The following PKMYT1 variants were observed in gnomAD, a reference collection of about 807,000 sequenced individuals.
PKMYT1 encodes the protein protein kinase, membrane associated tyrosine/threonine 1.
A neutral mutation model predicts 49.7 loss-of-function variants in PKMYT1; 35 were observed. That is an observed-to-expected ratio of 0.70 (90% confidence interval 0.54 to 0.93). The LOEUF (loss-of-function observed/expected upper bound fraction) is 0.93, where lower values mean the gene tolerates loss of function less well. PKMYT1 is among the 40% of genes least tolerant of loss of function. PKMYT1 has a pLI of 0.00. For synonymous variants in PKMYT1, 331 were observed against 287.6 expected, an observed-to-expected ratio of 1.15 and a Z score of -1.53; for missense variants, 677 against 673.1, an observed-to-expected ratio of 1.01 and a Z score of -0.06.
rs2072241803 is a variant in PKMYT1, at chr16:2,977,893, A to G, written c.11-862T>C. 2.6e-5 allele frequency among the ~76,000 whole-genome samples: 4 copies of G among 152,208 alleles called. No individual in the cohort carries two copies. In the South Asian group the frequency reaches 8.3e-4, roughly 31 times the overall value. On this transcript the variant is annotated intron_variant, in intron 2 of 8. Transcript: ENST00000262300. ...CATGGCAGAGGCTAAATTCCAGCTG[A>G]GTGTGGCAGACAGGCCAGGGGCTCC...
chr16:2,974,788 G>T, intron 4 of PKMYT1, 132 bp from the exon 5 acceptor site: 1 of 633,250 alleles, frequency 1.6e-6, no homozygotes, highest in Admixed American at 2.6e-5. Flanking sequence ...CGGAAGCAGG[G>T]GGAAGGGACA....
At chr16:2,977,914 G>A (rs1292238589) in intron 2 of PKMYT1, among the ~76,000 whole-genome samples, 1 of 152,218 alleles carries the variant, frequency 6.6e-6, no homozygotes, top group Non-Finnish European at 1.5e-5. Context: ...CAGGCCAGGG[G>A]CTCCTTTCTT....
At chr16:2,978,075 C>G (rs2072246860) in intron 2 of PKMYT1, among the ~76,000 whole-genome samples, 1 of 152,194 alleles carries the variant, frequency 6.6e-6, no homozygotes, top group South Asian at 2.1e-4. Context: ...GCGACCTGCT[C>G]CTAAAGCAAT....
chr16:2,974,362 C>T lies in PKMYT1; in HGVS notation c.1035G>A (p.Lys345=), dbSNP rs1876634957. The T allele has an allele frequency of 6.2e-7, 1 of 1,610,978 alleles. No homozygotes were observed. The highest frequency in any genetic ancestry group is 8.5e-7 in the Non-Finnish European group (1 of 1,179,232). Residue 345 remains lysine (K), a synonymous_variant, in exon 6 of 9, where the codon AAG becomes AAA. Transcript: ENST00000262300. ...VLVMMLEPDP[K]LRATAEALLA... ...GCAGGGCCTCGGCCGTGGCCCGCAGCTTGGGGTCTGGCTCCAGCATCATGA... is the reference window on the plus strand; with the variant it reads ...GCAGGGCCTCGGCCGTGGCCCGCAGTTTGGGGTCTGGCTCCAGCATCATGA...
Position 2,979,744 on chromosome 16 carries a change from A to G in PKMYT1, c.-87T>C. The G allele has an allele frequency of 1.3e-6, 2 of 1,586,324 alleles. No homozygotes were observed. Among genetic ancestry groups the G allele is most frequent in the South Asian group, 2.2e-5 (2 of 89,356 alleles). ...GTGAATCCAGGGTGTCCCTGAGCTA[A>G]GGCCAGGCGGGGGTGACCTCCGCAG... On this transcript the variant is annotated 5_prime_UTR_variant, in exon 2 of 9. Transcript: ENST00000262300.
rs551649159 is a variant in PKMYT1, at chr16:2,979,879, G to C, written c.-222C>G. 3.1e-3 allele frequency: 1,868 copies of C among 593,894 alleles called. 3 individuals carry two copies. The highest frequency in any genetic ancestry group is 4.4e-3 in the Non-Finnish European group (1,434 of 328,928). 36.8% of individuals were successfully genotyped at this position (593,894 alleles called of 1,614,324 possible). ...CGGTAAGTTCCTCCCAGGCAGGGCC[G>C]CGGCTGACTTCACTCCGTGGGTGTG... On this transcript the variant is annotated 5_prime_UTR_variant, in exon 2 of 9. Transcript: ENST00000262300.
At chr16:2,973,539 G>A (rs2072077667) in intron 7 of PKMYT1, 2 of 1,087,330 alleles carry the variant, frequency 1.8e-6, no homozygotes, top group Admixed American at 2.5e-5. Context: ...GAGGTGATGT[G>A]TTTGTAAGGA....
In PKMYT1 at chr16:2,975,524, G is replaced by A. The variant is rs771856495; in HGVS notation, c.667C>T (p.His223Tyr). Residue 223 changes from histidine to tyrosine, a missense_variant, in exon 4 of 9, where the codon CAT becomes TAT. Physicochemically the swap from His to Tyr is moderately conservative, Grantham distance 83. Coordinates refer to ENST00000262300, the MANE Select transcript of PKMYT1 (RefSeq NM_004203.5). The part of the protein sequence containing the change: ...YLRDTLLALA[H>Y]LHSQGLVHLD... ...TGCACCAGGCCCTGGCTGTGCAGATGGGCCAGGGCAAGCAGCGTGTCCCGC... is the reference window on the plus strand; with the variant it reads ...TGCACCAGGCCCTGGCTGTGCAGATAGGCCAGGGCAAGCAGCGTGTCCCGC... 1 of 1,612,418 alleles carries A rather than the reference G, an allele frequency of 6.2e-7. No individual in the cohort carries two copies. The highest frequency in any genetic ancestry group is 8.5e-7 in the Non-Finnish European group (1 of 1,179,882).
intron 6 of PKMYT1, 39 bp downstream of exon 6, chr16:2,974,206 G>T: frequency 6.4e-7 from 1 of 1,559,002 alleles, no homozygotes; most frequent in East Asian, 2.4e-5. Flanking sequence ...CCCCGGGGCT[G>T]GGGAGCAGGG....
chr16:2,974,188 G>A (rs1413933115), intron 6 of PKMYT1, 31 bp from the exon 7 acceptor site: 10 of 1,571,272 alleles, frequency 6.4e-6, no homozygotes, highest in South Asian at 2.3e-5. Flanking sequence ...GGATGTGGGT[G>A]GGCGGACCCC....
rs1417600355 is a variant in PKMYT1, at chr16:2,974,404, C to A, written c.993G>T (p.Glu331Asp). The A allele has an allele frequency of 6.2e-7, 1 of 1,609,292 alleles. No individual in the cohort carries two copies. ...GCATCATGACAAGGACAGAACGCAG[C>A]TCGGAAGACAGACCTGCCCATGAGG... ...PPEFTAGLSS[E>D]LRSVLVMMLE... Residue 331 changes from glutamate (E) to aspartate (D), a missense_variant, in exon 6 of 9, where the codon GAG (glutamate) becomes GAT (aspartate). Transcript: ENST00000262300.
chr16:2,975,186 G>A, intron 4 of PKMYT1, 133 bp downstream of exon 4: 1 of 1,107,044 alleles, frequency 9.0e-7, no homozygotes, highest in Non-Finnish European at 1.3e-6. Flanking sequence ...GGGCAGGGAT[G>A]GCGTCTCAGC....
intron 2 of PKMYT1, 132 bp downstream of exon 2, chr16:2,979,516 G>C: frequency 1.3e-6 from 1 of 746,704 alleles, no homozygotes; most frequent in South Asian, 1.5e-5. Flanking sequence ...CTCCAAGTCA[G>C]GAGCCAGGGT....
At chr16:2,978,859 T>G (rs1041010641) in intron 2 of PKMYT1, among the ~76,000 whole-genome samples, 2 of 151,236 alleles carry the variant, frequency 1.3e-5, no homozygotes, top group African/African-American at 4.8e-5. Context: ...CAGGCTGGAG[T>G]GCAGTGGTAT....
Position 2,975,423 on chromosome 16 carries a change from C to T in PKMYT1, c.768G>A (p.Val256=). The T allele has an allele frequency of 6.2e-7, 1 of 1,613,270 alleles. No individual in the cohort carries two copies. The highest frequency in any genetic ancestry group is 8.5e-7 in the Non-Finnish European group (1 of 1,179,984). ...CACCAGCTCCTGCTGTACCCAGCTC[C>T]ACCAGCAGTCCGAAGTCACCCAGCT... is the stretch of plus-strand genomic sequence containing the variant. ...RCKLGDFGLL[V]ELGTAGAGEV... The change falls in exon 4 of 9, where the codon GTG becomes GTA. Residue 256 remains valine, a synonymous_variant. Coordinates refer to ENST00000262300, the MANE Select transcript of PKMYT1 (RefSeq NM_004203.5).
intron 7 of PKMYT1, chr16:2,973,503 G>A (rs772210284): frequency 1.9e-5 from 27 of 1,404,222 alleles, no homozygotes; most frequent in Non-Finnish European, 2.4e-5. Flanking sequence ...GGAACTTCTT[G>A]TCTGCTATCA....
chr16:2,975,147 C>T (rs1192780185), intron 4 of PKMYT1, among the ~76,000 whole-genome samples, 172 bp downstream of exon 4: 3 of 152,226 alleles, frequency 2.0e-5, no homozygotes, highest in South Asian at 2.1e-4. Context: ...GGCTCACAGG[C>T]AGCCTGACCA....
rs766779949 is a variant in PKMYT1 at position 2,974,164 on chromosome 16, G to A, written c.1153-7C>T. Reference sequence around the variant, plus strand: ...AGAGCAGGGCAAGCAGGGCCTGTGGGGGAGAGGAGCTCAGGATGTGGGTGG... The same window carrying A: ...AGAGCAGGGCAAGCAGGGCCTGTGGAGGAGAGGAGCTCAGGATGTGGGTGG... On this transcript the variant is annotated splice_region_variant and splice_polypyrimidine_tract_variant and intron_variant, in intron 6 of 8. Coordinates refer to ENST00000262300, the MANE Select transcript of PKMYT1 (RefSeq NM_004203.5). The A allele has an allele frequency of 6.3e-7, 1 of 1,595,038 alleles. No homozygotes were observed. The highest frequency in any genetic ancestry group is 8.5e-7 in the Non-Finnish European group (1 of 1,170,814).
In PKMYT1 at chr16:2,976,871, G is replaced by A. The variant is rs902348312; in HGVS notation, c.171C>T (p.Ala57=). 4.6e-6 allele frequency: 7 copies of A among 1,530,454 alleles called. No homozygotes were observed. Among genetic ancestry groups the A allele is most frequent in the Non-Finnish European group, 6.2e-6 (7 of 1,133,374 alleles). 94.8% of individuals were successfully genotyped at this position (1,530,454 alleles called of 1,614,324 possible). Residue 57 remains alanine, a synonymous_variant, in exon 3 of 9, where the codon GCC becomes GCT. Transcript: ENST00000262300. ...LSRSLPPPPP[A]KGSIPISRLF... is the part of the protein sequence containing the mutation. ...GGCGGCTGATGGGAATGCTGCCCTT[G>A]GCAGGGGGCGGAGGTGGGAGGCTCC...
Sources: gnomAD v4.1 joint callset for allele counts (sites outside exome capture counted in the v4.1 genomes callset) on GRCh38, gnomAD v4.1.1 for gene constraint, MANE v1.5 for transcripts, NCBI Gene and HGNC (gene_info 2026-07-23, HGNC 2026-07-21) for gene names.